Variants in HELQ observed in about 807,000 individuals in gnomAD.
HELQ encodes the protein helicase POLQ-like.
A neutral mutation model predicts 111.6 loss-of-function variants in HELQ; 77 were observed. The ratio of observed to expected loss-of-function variants is 0.69; its 90% CI spans 0.57 to 0.83. HELQ has a LOEUF of 0.83. HELQ is among the 40% of genes least tolerant of loss of function. The probability of loss-of-function intolerance (pLI) is 0.00; values close to 1 mark genes in which losing one functional copy is unlikely to be tolerated. For missense variants in HELQ, 1,200 were observed against 1,288.5 expected (o/e 0.93, Z 1.05); for synonymous variants, 438 against 454.7 (o/e 0.96, Z 0.47).
intron 1 of HELQ, 143 bp from the exon 2 acceptor site, chr4:83,454,088 C>A: frequency 1.6e-6 from 1 of 639,624 alleles, no homozygotes; most frequent in Non-Finnish European, 2.8e-6. Context: ...CCTGTAATCC[C>A]AGCTACTCGG....
At chr4:83,442,002 C>T (rs1192846937) in intron 6 of HELQ, among the ~76,000 whole-genome samples, 3 of 151,906 alleles carry the variant, frequency 2.0e-5, no homozygotes, top group Admixed American at 6.6e-5. Context: ...TGGGCTCAAG[C>T]GATCCTCTTG....
In HELQ at chr4:83,436,970, C is replaced by T. The variant is rs1439542961; in HGVS notation, c.1936G>A (p.Gly646Ser). Residue 646 changes from glycine (G) to serine (S), a missense_variant, in exon 9 of 18, where the codon GGC becomes AGC. Physicochemically the swap from Gly to Ser is moderately conservative, Grantham distance 56 (BLOSUM62 0). Transcript: ENST00000295488. ...IPFGVAYHHSGLTSDERKLLE... is the reference protein window; with the variant it reads ...IPFGVAYHHSSLTSDERKLLE... ...AGTTTCCTTTCATCACTTGTTAAGC[C>T]ACTGTGGTGATAGGCAACTCCAAAT... is the stretch of plus-strand genomic sequence containing the variant. The T allele has an allele frequency of 1.9e-6, 3 of 1,614,152 alleles. No individual in the cohort carries two copies. Among genetic ancestry groups the T allele is most frequent in the Non-Finnish European group, 2.5e-6 (3 of 1,180,016 alleles).
chr4:83,424,661 G>A (rs1036432207), intron 14 of HELQ, among the ~76,000 whole-genome samples: 1 of 152,026 alleles, frequency 6.6e-6, no homozygotes, highest in Non-Finnish European at 1.5e-5. Flanking sequence ...CAGATCACGT[G>A]AGTCTCCTGC....
At chr4:83,438,189 C>G (rs1467717446) in intron 8 of HELQ, among the ~76,000 whole-genome samples, 1 of 152,172 alleles carries the variant, frequency 6.6e-6, no homozygotes, top group Admixed American at 6.5e-5. Flanking sequence ...ACTAGATTAG[C>G]ATTCAGGTTA....
At chr4:83,427,789 T>G (rs1286507019) in intron 12 of HELQ, 69 bp from the exon 13 acceptor site, 17 of 1,154,662 alleles carry the variant, frequency 1.5e-5, no homozygotes, top group Non-Finnish European at 2.0e-5. Context: ...CTTTAAATAT[T>G]GTGTAGAAAT....
intron 2 of HELQ, among the ~76,000 whole-genome samples, chr4:83,450,879 T>C (rs1393962386): frequency 6.6e-6 from 1 of 152,140 alleles, no homozygotes; most frequent in South Asian, 2.1e-4. Flanking sequence ...AGTGGGAGGA[T>C]TGCTTGAGCC....
At position 83,441,290 on chromosome 4, in the gene HELQ, T is replaced by C. The variant is rs4693088; in HGVS notation, c.1662+15A>G. 148,779 of 1,429,880 alleles carry C rather than the reference T, an allele frequency of 0.1. 12,047 individuals are homozygous for C. The highest frequency in any genetic ancestry group is 0.41 in the African/African-American group (28,162 of 69,458). 88.6% of individuals were successfully genotyped at this position (1,429,880 alleles called of 1,614,324 possible). On this transcript the variant is annotated intron_variant, in intron 7 of 17. Transcript: ENST00000295488. Reference sequence around the variant, plus strand: ...AAAGTCTGGTAACCTGGAATTTAAATGTTATCAATGTTACCTTATAATTAA... The same window carrying C: ...AAAGTCTGGTAACCTGGAATTTAAACGTTATCAATGTTACCTTATAATTAA...
chr4:83,425,383 A>G (rs1340894399), intron 14 of HELQ, among the ~76,000 whole-genome samples: 6 of 152,030 alleles, frequency 3.9e-5, no homozygotes, highest in Non-Finnish European at 8.8e-5. Flanking sequence ...AAAGTGTATT[A>G]CAAGGGGGAA....
At chr4:83,433,782 G>C (rs1720293980) in intron 9 of HELQ, among the ~76,000 whole-genome samples, 1 of 150,738 alleles carries the variant, frequency 6.6e-6, no homozygotes, top group African/African-American at 2.4e-5. Context: ...AATAGATTAA[G>C]ACCACCCTGG....
intron 9 of HELQ, among the ~76,000 whole-genome samples, chr4:83,433,184 A>G (rs541527568): frequency 1.2e-4 from 19 of 152,214 alleles, no homozygotes; most frequent in Non-Finnish European, 2.8e-4. Context: ...CTTCCTCTTT[A>G]TTTATAAATC....
At chr4:83,423,628 T>C (rs1444020273) in intron 14 of HELQ, among the ~76,000 whole-genome samples, 1 of 152,108 alleles carries the variant, frequency 6.6e-6, no homozygotes, top group African/African-American at 2.4e-5. Flanking sequence ...AGATCTTTTG[T>C]GGCAGGGCAC....
At chr4:83,436,710 A>C (rs1486249275) in intron 9 of HELQ, 148 bp downstream of exon 9, 1 of 705,084 alleles carries the variant, frequency 1.4e-6, no homozygotes, top group Non-Finnish European at 2.2e-6. Context: ...AATATTAAAG[A>C]AAATAAACCA....
At position 83,427,643 on chromosome 4, in the gene HELQ, G is replaced by T. The variant is rs1719918180; in HGVS notation, c.2596C>A (p.Leu866Ile). The T allele has an allele frequency of 1.2e-6, 2 of 1,607,274 alleles. No individual in the cohort carries two copies. The highest frequency in any genetic ancestry group is 1.7e-6 in the Non-Finnish European group (2 of 1,177,090). ...GTTGTTAGGTAGATTAGATGAAGAAGGCTTTCAAGCACAAGTCCTTCAAGA... is the reference window on the plus strand; with the variant it reads ...GTTGTTAGGTAGATTAGATGAAGAATGCTTTCAAGCACAAGTCCTTCAAGA... ...KGLEGLVLES[L>I]LHLIYLTTPY... Residue 866 changes from leucine to isoleucine, a missense_variant, in exon 13 of 18, where the codon CTT becomes ATT. Physicochemically the swap from Leu to Ile is conservative, Grantham distance 5 (BLOSUM62 2). Transcript: ENST00000295488.
In HELQ at chr4:83,453,260, G is replaced by A. The variant is rs751621480; in HGVS notation, c.983C>T (p.Ala328Val). Residue 328 changes from alanine (A) to valine (V), a missense_variant, in exon 2 of 18, where the codon GCC (alanine) becomes GTC (valine). Physicochemically the swap from Ala to Val is moderately conservative, Grantham distance 64 (BLOSUM62 0). Around this residue, in one of 3 missense-constraint regions of HELQ, gnomAD observed 610 missense variants for 607.1 expected, o/e 1.00. Transcript: ENST00000295488. ...SLPSKVRDLY[A>V]QFKGIEKLYE... is the part of the protein sequence containing the mutation. ...TAATTTTTCAATTCCCTTGAATTGG[G>A]CATAAAGGTCTCTCACTTTGCTGGG... is the stretch of plus-strand genomic sequence containing the variant. The A allele has an allele frequency of 4.3e-6, 7 of 1,611,350 alleles. No homozygotes were observed. The highest frequency in any genetic ancestry group is 1.7e-4 in the Middle Eastern group (1 of 6,026).
chr4:83,443,429 A>G (rs1720880370), intron 6 of HELQ, 88 bp downstream of exon 6: 1 of 609,516 alleles, frequency 1.6e-6, no homozygotes, highest in Non-Finnish European at 2.9e-6. Context: ...TACTCTACAG[A>G]ATTCTTTAAA....
intron 2 of HELQ, among the ~76,000 whole-genome samples, chr4:83,451,404 T>C (rs1203150707): frequency 6.6e-6 from 1 of 152,118 alleles, no homozygotes; most frequent in African/African-American, 2.4e-5. Flanking sequence ...GGCTCACGCC[T>C]GTAATCCCAG....
intron 13 of HELQ, among the ~76,000 whole-genome samples, chr4:83,427,130 T>C (rs1381333975): frequency 6.6e-6 from 1 of 152,226 alleles, no homozygotes; most frequent in Non-Finnish European, 1.5e-5. Context: ...GCAGTGATCA[T>C]AACAGTAACT....
intron 14 of HELQ, among the ~76,000 whole-genome samples, chr4:83,422,384 T>C (rs893918863): frequency 1.1e-4 from 16 of 152,152 alleles, no homozygotes; most frequent in Admixed American, 3.9e-4. Context: ...TGATCTTACT[T>C]GGAAACAAGA....
In HELQ at chr4:83,437,073, T is replaced by C. The variant is rs753601444; in HGVS notation, c.1833A>G (p.Lys611=). 6.2e-7 allele frequency: 1 copy of C among 1,613,584 alleles called. No homozygotes were observed. Among genetic ancestry groups the C allele is most frequent in the South Asian group, 1.1e-5 (1 of 91,058 alleles). Residue 611 remains lysine, a synonymous_variant, in exon 9 of 18, where the codon AAA becomes AAG. Coordinates refer to ENST00000295488, the MANE Select transcript of HELQ (RefSeq NM_133636.5). ...AGTTCTTAATCACCTCACATTTTTC[T>C]TTCTCCTTATGTTTCAGATATTCCC... ...LSKEYLKHKE[K]EKCEVIKNLK... is the part of the protein sequence containing the mutation.
Sources: allele counts gnomAD v4.1 joint callset (sites outside exome capture counted in the v4.1 genomes callset), GRCh38; gene constraint gnomAD v4.1.1; regional missense constraint gnomAD v4.1.1; transcripts MANE v1.5; gene names NCBI Gene and HGNC (gene_info 2026-07-23, HGNC 2026-07-21).